Variants in VWA8 observed in about 807,000 individuals in gnomAD.
VWA8 encodes the protein von Willebrand factor A domain-containing protein 8.
A neutral mutation model predicts 241.5 loss-of-function variants in VWA8; 221 were observed. The observed-to-expected ratio is 0.91, with a 90% CI of 0.82 to 1.02. The LOEUF (loss-of-function observed/expected upper bound fraction) is 1.02. Ranked by LOEUF, VWA8 falls within the 50% of genes least tolerant of loss-of-function variation. The pLI is 0.00. For synonymous variants in VWA8, 852 were observed against 827.1 expected (o/e 1.03, Z -0.52); for missense variants, 2,322 against 2,328.7 (o/e 1.00, Z 0.06).
chr13:41,866,184 C>A, intron 10 of VWA8, 148 bp from the exon 11 acceptor site: 2 of 999,994 alleles, frequency 2.0e-6, no homozygotes, highest in Admixed American at 5.9e-5. Context: ...CCCATCTCTA[C>A]AAAAATACAA....
chr13:41,692,789 A>G (rs79145203), intron 30 of VWA8, 73 bp downstream of exon 30: 65,671 of 1,153,150 alleles, frequency 0.057, 2,142 homozygotes, highest in Non-Finnish European at 0.068. Context: ...AGGGATGGGC[A>G]TGCATGCATC....
chr13:41,583,769 G>A (rs1375426820), intron 42 of VWA8, among the ~76,000 whole-genome samples: 3 of 152,036 alleles, frequency 2.0e-5, no homozygotes, highest in South Asian at 2.1e-4. Flanking sequence ...GGAGGTGGCT[G>A]TTCCAGACTA....
At chr13:41,703,192 A>G in intron 27 of VWA8, 111 bp downstream of exon 27, 1 of 873,442 alleles carries the variant, frequency 1.1e-6, no homozygotes, top group Non-Finnish European at 1.8e-6. Flanking sequence ...AGCAGAAGCT[A>G]AAATAACATC....
chr13:41,797,501 G>A (rs1450284377), intron 17 of VWA8, among the ~76,000 whole-genome samples: 1 of 152,076 alleles, frequency 6.6e-6, no homozygotes, highest in East Asian at 1.9e-4. Flanking sequence ...CTAACTCTTA[G>A]AATATATGAT....
chr13:41,651,494 G>A (rs1433181095), intron 37 of VWA8, among the ~76,000 whole-genome samples: 6 of 152,106 alleles, frequency 3.9e-5, no homozygotes, highest in South Asian at 2.1e-4. Flanking sequence ...AAAAAGCCAC[G>A]TAGTAAATAT....
rs755468287 is a variant in VWA8 at position 41,692,983 on chromosome 13, TA to T, written c.3565-12del. ...CAGGATAACATTACTCTGCAAATGA[TA>T]AAAACAGTGAAAAGCTCAAGATTTG... On this transcript the variant is annotated splice_polypyrimidine_tract_variant and intron_variant, in intron 29 of 44. Coordinates refer to ENST00000379310, the MANE Select transcript of VWA8 (RefSeq NM_015058.2). 1 of 1,522,674 alleles carries T rather than the reference TA, an allele frequency of 6.6e-7. No individual in the cohort carries two copies. Among genetic ancestry groups the T allele is most frequent in the Admixed American group, 1.9e-5 (1 of 53,998 alleles). The allele number at this position is 1,522,674 out of a possible 1,614,324, so 94.3% of individuals were successfully genotyped here. A position where few individuals can be genotyped will look rare whatever the true frequency, so the allele number is the denominator to read the frequency against.
chr13:41,594,127 T>G (rs1236634596), intron 40 of VWA8, among the ~76,000 whole-genome samples: 1 of 151,042 alleles, frequency 6.6e-6, no homozygotes, highest in Non-Finnish European at 1.5e-5. Flanking sequence ...AATTTTTGTT[T>G]TTTTTTTTTT....
chr13:41,723,149 TTCTCTCTCTCTG>T (rs2045406308), intron 24 of VWA8, among the ~76,000 whole-genome samples: 1 of 152,084 alleles, frequency 6.6e-6, no homozygotes, highest in Admixed American at 6.6e-5. Flanking sequence ...GGAAAACATA[TTCTCTCTCTCTG>T]TCTCTCTCTC....
At chr13:41,916,137 T>C (rs1449814936) in intron 2 of VWA8, among the ~76,000 whole-genome samples, 4 of 152,222 alleles carry the variant, frequency 2.6e-5, no homozygotes, top group Non-Finnish European at 5.9e-5. Context: ...ACTTATAAAG[T>C]TGTTATGAGG....
At chr13:41,949,882 CCT>C in intron 2 of VWA8, 52 bp downstream of exon 2, 1 of 1,101,648 alleles carries the variant, frequency 9.1e-7, no homozygotes, top group Non-Finnish European at 1.3e-6. Flanking sequence ...TTTGAAAATT[CCT>C]ATAATGAAAA....
intron 39 of VWA8, among the ~76,000 whole-genome samples, chr13:41,610,796 A>G (rs549164895): frequency 6.6e-6 from 1 of 152,356 alleles, no homozygotes; most frequent in African/African-American, 2.4e-5. Flanking sequence ...TTTTAGTTGA[A>G]GCACACATGT....
At chr13:41,738,826 A>T (rs2137874785) in intron 21 of VWA8, among the ~76,000 whole-genome samples, 1 of 152,344 alleles carries the variant, frequency 6.6e-6, no homozygotes, top group South Asian at 2.1e-4. Flanking sequence ...TGGAAGAATG[A>T]AATAAGGATA....
chr13:41,878,810 C>A (rs925915731), intron 9 of VWA8, among the ~76,000 whole-genome samples: 1 of 152,118 alleles, frequency 6.6e-6, no homozygotes, highest in Admixed American at 6.5e-5. Flanking sequence ...AAATTCAACT[C>A]TTTAAAGATA....
At chr13:41,609,909 G>T (rs1382355652) in intron 39 of VWA8, among the ~76,000 whole-genome samples, 1 of 152,008 alleles carries the variant, frequency 6.6e-6, no homozygotes, top group Non-Finnish European at 1.5e-5. Flanking sequence ...ATTCATTTGC[G>T]TTAAGGGCAC....
At chr13:41,818,022 G>A (rs1162841985) in intron 15 of VWA8, among the ~76,000 whole-genome samples, 1 of 151,800 alleles carries the variant, frequency 6.6e-6, no homozygotes, top group Non-Finnish European at 1.5e-5. Flanking sequence ...GAGTGCAGTG[G>A]TGTGATCTCG....
chr13:41,611,680 A>G lies in VWA8; in HGVS notation c.4773T>C (p.Asp1591=), dbSNP rs1335838667. Reference sequence around the variant, plus strand: ...AGACCTGGTACACCGTATGGCCTGCATCCAGCCGGTAAGGGCCTCCTTTGC... The same window carrying G: ...AGACCTGGTACACCGTATGGCCTGCGTCCAGCCGGTAAGGGCCTCCTTTGC... ...LGGKGGPYRL[D]AGHTVYQVSQ... The change falls in exon 39 of 45, where the codon GAT becomes GAC. Residue 1591 remains aspartate, a synonymous_variant. Coordinates refer to ENST00000379310, the MANE Select transcript of VWA8 (RefSeq NM_015058.2). 1.2e-6 allele frequency: 2 copies of G among 1,614,086 alleles called. No individual in the cohort carries two copies. The highest frequency in any genetic ancestry group is 2.2e-5 in the South Asian group (2 of 91,062).
intron 16 of VWA8, among the ~76,000 whole-genome samples, chr13:41,814,763 A>AT (rs1302982139): frequency 6.6e-6 from 1 of 152,164 alleles, no homozygotes; most frequent in Non-Finnish European, 1.5e-5. Flanking sequence ...TCTCTGTAGT[A>AT]TTGCCAACAT....
At chr13:41,650,155 A>G (rs987775318) in intron 37 of VWA8, among the ~76,000 whole-genome samples, 1 of 152,158 alleles carries the variant, frequency 6.6e-6, no homozygotes, top group African/African-American at 2.4e-5. Flanking sequence ...CTATTATTGT[A>G]CAGATTTATT....
At chr13:41,882,641 A>G (rs1424269923) in intron 9 of VWA8, among the ~76,000 whole-genome samples, 1 of 152,166 alleles carries the variant, frequency 6.6e-6, no homozygotes, top group African/African-American at 2.4e-5. Flanking sequence ...GTCTCCACCA[A>G]AAAAATACGA....
Sources: allele counts gnomAD v4.1 joint callset (sites outside exome capture counted in the v4.1 genomes callset), GRCh38; gene constraint gnomAD v4.1.1; transcripts MANE v1.5; gene names NCBI Gene and HGNC (gene_info 2026-07-23, HGNC 2026-07-21).